The following MCM3AP variants were observed in gnomAD, a reference collection of about 807,000 sequenced individuals.
MCM3AP encodes germinal-center associated nuclear protein.
MCM3AP carries 126 observed loss-of-function variants against 184.1 expected under a neutral mutation model. The observed-to-expected ratio is 0.68, with a 90% CI of 0.59 to 0.79. The LOEUF (loss-of-function observed/expected upper bound fraction) is 0.79, where lower values mean the gene tolerates loss of function less well. Ranked by LOEUF, MCM3AP falls within the 30% of genes least tolerant of loss-of-function variation. The probability of loss-of-function intolerance (pLI) is 0.00; values close to 1 mark genes in which losing one functional copy is unlikely to be tolerated. For missense variants in MCM3AP, 2,496 were observed against 2,479.2 expected (o/e 1.01, Z -0.14); for synonymous variants, 1,002 against 979.3 (o/e 1.02, Z -0.43).
In MCM3AP at chr21:46,236,907, G is replaced by C. The variant is rs199675529; in HGVS notation, c.5706C>G (p.Leu1902=). 108 of 1,574,250 alleles carry C rather than the reference G, an allele frequency of 6.9e-5. No homozygotes were observed. Among genetic ancestry groups the C allele is most frequent in the Non-Finnish European group, 9.2e-5 (107 of 1,165,462 alleles). The change falls in exon 27 of 28, where the codon CTC becomes CTG. Residue 1902 remains leucine, a synonymous_variant. Coordinates refer to ENST00000291688, the MANE Select transcript of MCM3AP (RefSeq NM_003906.5). The stretch of plus-strand genomic sequence containing the variant: ...GAGACACTAGAGTCTGAGGAAGATA[G>C]AGGGGAAGGGAAGTTAAATCCGTAA... ...GAFTDLTSLP[L]YLPQTLVSLS... is the part of the protein sequence containing the mutation.
intron 2 of MCM3AP, 133 bp downstream of exon 2, chr21:46,283,482 A>G: frequency 1.6e-6 from 1 of 632,772 alleles, no homozygotes; most frequent in East Asian, 2.7e-5. Flanking sequence ...ATCCCAGCCT[A>G]TGCTAATAAG....
chr21:46,235,633 C>G (rs955306609), intron 27 of MCM3AP, among the ~76,000 whole-genome samples: 8 of 152,162 alleles, frequency 5.3e-5, no homozygotes, highest in African/African-American at 1.9e-4. Context: ...GACTGTTTGC[C>G]TTTGTATTCT....
At chr21:46,265,231 G>T in intron 12 of MCM3AP, 90 bp downstream of exon 12, 1 of 1,242,834 alleles carries the variant, frequency 8.0e-7, no homozygotes, top group Non-Finnish European at 1.1e-6. Flanking sequence ...GAGACCAGGC[G>T]CCACAGCCCC....
intron 19 of MCM3AP, 125 bp downstream of exon 19, chr21:46,254,267 A>G: frequency 2.0e-6 from 2 of 987,430 alleles, no homozygotes; most frequent in Non-Finnish European, 3.0e-6. Flanking sequence ...AAATCCAAGC[A>G]TTAAAACATA....
intron 16 of MCM3AP, among the ~76,000 whole-genome samples, 188 bp downstream of exon 16, chr21:46,258,737 ATGTGTGTGTGTGTG>A (rs55695472): frequency 2.7e-5 from 4 of 150,086 alleles, no homozygotes; most frequent in African/African-American, 9.8e-5. Flanking sequence ...CTTATATTGT[ATGTGTGTGTGTGTG>A]TGTGTGTAAT....
In MCM3AP at chr21:46,271,907, A is replaced by G. The variant is rs139892088; in HGVS notation, c.2465+654T>C. 4.6e-5 allele frequency among the ~76,000 whole-genome samples: 7 copies of G among 152,020 alleles called. No individual in the cohort carries two copies. In the East Asian group the frequency reaches 1.4e-3, roughly 29 times the overall value. ...ATTAAAATCAACCACACATCTAGAT[A>G]TTCTGTCACACAGTTCTTGAGGAAA... On this transcript the variant is annotated intron_variant, in intron 8 of 27. Transcript: ENST00000291688.
chr21:46,264,236 G>T lies in MCM3AP; in HGVS notation c.3235-19C>A. On this transcript the variant is annotated intron_variant, in intron 12 of 27. Transcript: ENST00000291688. ...CCAGGTCCTGTGGAGAGACCAGCAT[G>T]GGGTGTAATGGAACGTCCCACCCAG... 6.6e-7 allele frequency: 1 copy of T among 1,517,432 alleles called. No homozygotes were observed. The highest frequency in any genetic ancestry group is 1.1e-5 in the South Asian group (1 of 88,108). 94.0% of individuals were successfully genotyped at this position (1,517,432 alleles called of 1,614,324 possible). A position where few individuals can be genotyped will look rare whatever the true frequency, so the allele number is the denominator to read the frequency against.
intron 6 of MCM3AP, among the ~76,000 whole-genome samples, chr21:46,274,768 G>A (rs907444639): frequency 1.4e-4 from 21 of 151,676 alleles, no homozygotes; most frequent in South Asian, 1.3e-3. Context: ...AGACCCCATC[G>A]CTGCAAAAAA....
intron 26 of MCM3AP, among the ~76,000 whole-genome samples, chr21:46,240,421 C>A (rs546673873): frequency 6.6e-6 from 1 of 152,218 alleles, no homozygotes; most frequent in Admixed American, 6.5e-5. Context: ...GGAGGGGCAG[C>A]CCCAGCTCCT....
In MCM3AP at chr21:46,261,311, C is replaced by G; in HGVS notation, c.3436G>C (p.Glu1146Gln). 6.2e-7 allele frequency: 1 copy of G among 1,614,194 alleles called. No individual in the cohort carries two copies. Among genetic ancestry groups the G allele is most frequent in the Non-Finnish European group, 8.5e-7 (1 of 1,180,040 alleles). The change falls in exon 14 of 28, where the codon GAG (glutamate) becomes CAG (glutamine). Residue 1146 changes from glutamate to glutamine, a missense_variant. This residue lies in a region of MCM3AP where 1,323 missense variants were observed against 1,273.4 expected (regional missense o/e 1.04). Coordinates refer to ENST00000291688, the MANE Select transcript of MCM3AP (RefSeq NM_003906.5). ...TCTTCAGCCCGCTGCCTCTCCTGCT[C>G]CCTTCGCTCTCTTTCCTTAGACACT... ...EEVSKERERR[E>Q]QERQRAEEER...
At chr21:46,243,398 C>T in intron 24 of MCM3AP, 67 bp downstream of exon 24, 1 of 1,516,004 alleles carries the variant, frequency 6.6e-7, no homozygotes, top group South Asian at 1.3e-5. Flanking sequence ...TAAACATCTT[C>T]CTTTGCAGAA....
chr21:46,279,526 T>C (rs1458489803), intron 4 of MCM3AP, among the ~76,000 whole-genome samples: 1 of 152,252 alleles, frequency 6.6e-6, no homozygotes, highest in African/African-American at 2.4e-5. Flanking sequence ...GAAGTTCTGC[T>C]GTCCTAAGTG....
rs764768897 is a variant in MCM3AP at position 46,245,004 on chromosome 21, C to T, written c.4841G>A (p.Ser1614Asn). 1 of 1,614,210 alleles carries T rather than the reference C, an allele frequency of 6.2e-7. No individual in the cohort carries two copies. Residue 1614 changes from serine (S) to asparagine (N), a missense_variant, in exon 23 of 28, where the codon AGT becomes AAT. Physicochemically the swap from Ser to Asn is conservative, Grantham distance 46. This residue lies in a region of MCM3AP where 1,323 missense variants were observed against 1,273.4 expected (regional missense o/e 1.04). Transcript: ENST00000291688. Reference sequence around the variant, plus strand: ...CACAGAAGCCAGGAACTGCAGCACACTGTTAAACAGCTCAATGATGGCGCC... The same window carrying T: ...CACAGAAGCCAGGAACTGCAGCACATTGTTAAACAGCTCAATGATGGCGCC... ...EPGAIIELFN[S>N]VLQFLASVVS...
At chr21:46,265,813 T>C in intron 11 of MCM3AP, 112 bp downstream of exon 11, 1 of 1,333,590 alleles carries the variant, frequency 7.5e-7, no homozygotes, top group Non-Finnish European at 1.0e-6. Flanking sequence ...AGACAGGTGC[T>C]CAGGCTCCTG....
intron 4 of MCM3AP, 43 bp from the exon 5 acceptor site, chr21:46,277,760 G>A: frequency 7.9e-7 from 1 of 1,273,162 alleles, no homozygotes; most frequent in Admixed American, 2.6e-5. Flanking sequence ...TCCCAGGAAG[G>A]CCTTCAGAGC....
At chr21:46,278,289 T>C (rs2081280525) in intron 4 of MCM3AP, among the ~76,000 whole-genome samples, 1 of 152,202 alleles carries the variant, frequency 6.6e-6, no homozygotes, top group South Asian at 2.1e-4. Flanking sequence ...AGCCTACATG[T>C]TTTAAAACAG....
Position 46,265,518 on chromosome 21 carries a change from C to T in MCM3AP, c.3037G>A (p.Gly1013Arg). 6.3e-7 allele frequency: 1 copy of T among 1,590,218 alleles called. No homozygotes were observed. Among genetic ancestry groups the T allele is most frequent in the South Asian group, 1.1e-5 (1 of 87,880 alleles). The change falls in exon 12 of 28, where the codon GGG (glycine) becomes AGG (arginine). Residue 1013 changes from glycine (G) to arginine (R), a missense_variant. Gly to Arg is a moderately radical substitution (Grantham distance 125, BLOSUM62 -2). This residue lies in a region of MCM3AP where 1,323 missense variants were observed against 1,273.4 expected (regional missense o/e 1.04). Transcript: ENST00000291688. ...QRPGSDTVGG[G>R]RGEECGVEPD... ...TCTACACCACACTCCTCTCCTCTCC[C>T]TCCGCCTGGAAGGAAACATACAGGA...
At chr21:46,250,054 G>C (rs1219956300) in intron 20 of MCM3AP, 1 of 152,882 alleles carries the variant, frequency 6.5e-6, no homozygotes, top group African/African-American at 2.4e-5. Flanking sequence ...TGGATCAAGT[G>C]AAGTGACAGA....
In MCM3AP at chr21:46,276,892, C is replaced by T. The variant is rs552899437; in HGVS notation, c.1858+635G>A. 4.6e-5 allele frequency among the ~76,000 whole-genome samples: 7 copies of T among 152,112 alleles called. No individual in the cohort carries two copies. The South Asian group carries it at 6.2e-4, about 14-fold the overall frequency. The stretch of plus-strand genomic sequence containing the variant: ...AGCTGGGACTACAGATGCACACCAC[C>T]GCACCCAGCCTGCTTATTTATTATT... On this transcript the variant is annotated intron_variant, in intron 5 of 27. Coordinates refer to ENST00000291688, the MANE Select transcript of MCM3AP (RefSeq NM_003906.5).
Sources: allele counts gnomAD v4.1 joint callset (sites outside exome capture counted in the v4.1 genomes callset), GRCh38; gene constraint gnomAD v4.1.1; regional missense constraint gnomAD v4.1.1; transcripts MANE v1.5; gene names NCBI Gene and HGNC (gene_info 2026-07-23, HGNC 2026-07-21).